The following HTR4 variants were observed in gnomAD, a reference collection of about 807,000 sequenced individuals.
The protein encoded by HTR4 is 5-hydroxytryptamine receptor 4, also known as 5-hydroxytryptamine (serotonin) receptor 4, G protein-coupled.
In HTR4, 16 loss-of-function variants were observed where a neutral mutation model predicts 36.8. The ratio of observed to expected loss-of-function variants is 0.43; its 90% confidence interval spans 0.29 to 0.66. The LOEUF is 0.66. Ranked by LOEUF, HTR4 falls within the 30% of genes least tolerant of loss-of-function variation. HTR4 has a pLI of 0.13. For synonymous variants in HTR4, 189 were observed against 185.1 expected, an observed-to-expected ratio of 1.02 and a Z score of -0.17; for missense variants, 438 against 490.9, an observed-to-expected ratio of 0.89 and a Z score of 1.02.
intron 5 of HTR4, among the ~76,000 whole-genome samples, chr5:148,512,084 G>A (rs981916723): frequency 1.3e-5 from 2 of 152,048 alleles, no homozygotes; most frequent in African/African-American, 4.8e-5. Flanking sequence ...TCCTTCAATG[G>A]GACGAGAGCA....
chr5:148,569,087 T>A (rs1760568500), intron 2 of HTR4, among the ~76,000 whole-genome samples: 1 of 152,094 alleles, frequency 6.6e-6, no homozygotes, highest in African/African-American at 2.4e-5. Flanking sequence ...GTTTTTTTTT[T>A]TTATCAGAAG....
chr5:148,618,996 A>G (rs1378473399), intron 2 of HTR4, among the ~76,000 whole-genome samples: 1 of 152,136 alleles, frequency 6.6e-6, no homozygotes, highest in Non-Finnish European at 1.5e-5. Flanking sequence ...ATTTTAGTGG[A>G]GATGATCTTG....
intron 4 of HTR4, among the ~76,000 whole-genome samples, chr5:148,539,298 C>T (rs540130435): frequency 1.3e-5 from 2 of 152,136 alleles, no homozygotes; most frequent in African/African-American, 4.8e-5. Context: ...GTAATACCAT[C>T]CTGGACATAG....
intron 2 of HTR4, among the ~76,000 whole-genome samples, chr5:148,583,787 T>G (rs1761244190): frequency 6.6e-6 from 1 of 152,102 alleles, no homozygotes; most frequent in African/African-American, 2.4e-5. Flanking sequence ...GGGGAGCTCC[T>G]GTTCCCTGGG....
chr5:148,517,956 C>T (rs996478893), intron 5 of HTR4, among the ~76,000 whole-genome samples: 8 of 151,792 alleles, frequency 5.3e-5, no homozygotes, highest in Non-Finnish European at 1.2e-4. Context: ...TCCTCTCCTA[C>T]ATTTCCCTCC....
chr5:148,487,880 AT>A (rs1263988218), intron 6 of HTR4, among the ~76,000 whole-genome samples: 14 of 152,330 alleles, frequency 9.2e-5, no homozygotes, highest in African/African-American at 3.4e-4. Context: ...TAAAACATAC[AT>A]TTCAGCAAAG....
chr5:148,563,489 A>G (rs1489156986), intron 2 of HTR4, among the ~76,000 whole-genome samples: 2 of 152,228 alleles, frequency 1.3e-5, no homozygotes, highest in Non-Finnish European at 2.9e-5. Flanking sequence ...CACTGAAAGC[A>G]AGAACTTGGG....
At chr5:148,536,814 G>A (rs1181670980) in intron 4 of HTR4, among the ~76,000 whole-genome samples, 3 of 152,180 alleles carry the variant, frequency 2.0e-5, no homozygotes, top group Non-Finnish European at 4.4e-5. Flanking sequence ...TTCATTGACA[G>A]CACTAGACAG....
chr5:148,555,111 G>A (rs1161589513), intron 2 of HTR4, among the ~76,000 whole-genome samples: 1 of 152,082 alleles, frequency 6.6e-6, no homozygotes, highest in Non-Finnish European at 1.5e-5. Flanking sequence ...CACATATCAA[G>A]GTACTGTACA....
At chr5:148,612,879 C>A (rs1160582079) in intron 2 of HTR4, among the ~76,000 whole-genome samples, 1 of 148,112 alleles carries the variant, frequency 6.8e-6, no homozygotes, top group Non-Finnish European at 1.5e-5. Context: ...ATACAAACTA[C>A]CATCAGAGAA....
intron 5 of HTR4, among the ~76,000 whole-genome samples, chr5:148,469,186 A>C (rs927393972): frequency 5.9e-5 from 9 of 152,166 alleles, no homozygotes; most frequent in African/African-American, 2.2e-4. Context: ...AGTCTATTTG[A>C]ATCTCCTGAC....
At chr5:148,571,317 G>A (rs560063646) in intron 2 of HTR4, among the ~76,000 whole-genome samples, 8 of 152,084 alleles carry the variant, frequency 5.3e-5, no homozygotes, top group African/African-American at 1.9e-4. Flanking sequence ...GTTAGACTTT[G>A]TTGGTAGTTG....
chr5:148,583,565 T>C (rs1464013625), intron 2 of HTR4, among the ~76,000 whole-genome samples: 1 of 152,070 alleles, frequency 6.6e-6, no homozygotes, highest in Non-Finnish European at 1.5e-5. Context: ...GCAGTTATCA[T>C]AGTTACAGCC....
chr5:148,520,833 A>C, intron 5 of HTR4: 1 of 1,333,596 alleles, frequency 7.5e-7, no homozygotes, highest in Non-Finnish European at 1.0e-6. Context: ...GATAGGATTC[A>C]AAAAATGTCC....
chr5:148,583,937 G>T (rs1379376570), intron 2 of HTR4, among the ~76,000 whole-genome samples: 1 of 152,104 alleles, frequency 6.6e-6, no homozygotes. Context: ...AATTTGCATT[G>T]TCTAGTGCAA....
chr5:148,462,399 C>T (rs1163107661), intron 5 of HTR4, among the ~76,000 whole-genome samples: 1 of 151,820 alleles, frequency 6.6e-6, no homozygotes, highest in Non-Finnish European at 1.5e-5. Flanking sequence ...ACAAAATATG[C>T]CCACAAATTT....
At chr5:148,623,855 A>G (rs1205039805) in intron 2 of HTR4, among the ~76,000 whole-genome samples, 1 of 152,252 alleles carries the variant, frequency 6.6e-6, no homozygotes, top group Non-Finnish European at 1.5e-5. Flanking sequence ...TTCTGATTAG[A>G]GATGAGAAAG....
At chr5:148,502,422 C>A (rs552744807) in intron 6 of HTR4, among the ~76,000 whole-genome samples, 20 of 152,324 alleles carry the variant, frequency 1.3e-4, no homozygotes, top group Non-Finnish European at 2.2e-4. Flanking sequence ...CTCCAACAGA[C>A]CAGCATCTGA....
intron 1 of HTR4, among the ~76,000 whole-genome samples, chr5:148,638,942 G>A (rs891519872): frequency 2.6e-5 from 4 of 152,066 alleles, no homozygotes; most frequent in African/African-American, 9.7e-5. Flanking sequence ...AGCTACCTGG[G>A]GGGCTGAGGT....
Sources: gnomAD v4.1 joint callset for allele counts (sites outside exome capture counted in the v4.1 genomes callset) on GRCh38, gnomAD v4.1.1 for gene constraint, MANE v1.5 for transcripts, NCBI Gene and HGNC (gene_info 2026-07-23, HGNC 2026-07-21) for gene names.